The following CDH13 variants were observed in gnomAD, a reference collection of about 807,000 sequenced individuals.
The protein encoded by CDH13 is cadherin 13, also known as cadherin-13.
CDH13 carries 24 observed loss-of-function variants against 63.8 expected under a neutral mutation model. That is an observed-to-expected ratio of 0.38 (90% confidence interval 0.27 to 0.53). The LOEUF (loss-of-function observed/expected upper bound fraction) is 0.53, where lower values mean the gene tolerates loss of function less well. Ranked by LOEUF, CDH13 falls within the 20% of genes least tolerant of loss-of-function variation. The pLI is 0.85. For synonymous variants in CDH13, 503 were observed against 355.3 expected, an observed-to-expected ratio of 1.42 and a Z score of -4.67; for missense variants, 1,049 against 903.1, an observed-to-expected ratio of 1.16 and a Z score of -2.07.
chr16:82,927,414 G>A (rs1300058662), intron 2 of CDH13, among the ~76,000 whole-genome samples: 1 of 152,102 alleles, frequency 6.6e-6, no homozygotes, highest in Non-Finnish European at 1.5e-5. Flanking sequence ...GCTATTTTCA[G>A]CCCATGTTTT....
intron 6 of CDH13, among the ~76,000 whole-genome samples, chr16:83,378,040 A>C (rs966256082): frequency 2.0e-5 from 3 of 152,178 alleles, no homozygotes; most frequent in African/African-American, 7.2e-5. Context: ...GGCTGCTCTC[A>C]GTACCCTTTG....
At chr16:82,950,708 A>G (rs973267063) in intron 2 of CDH13, among the ~76,000 whole-genome samples, 2 of 152,044 alleles carry the variant, frequency 1.3e-5, no homozygotes, top group African/African-American at 4.8e-5. Context: ...GATACCAGTG[A>G]TACTGGATTA....
intron 4 of CDH13, among the ~76,000 whole-genome samples, chr16:83,132,669 C>T (rs2036111538): frequency 6.6e-6 from 1 of 152,008 alleles, no homozygotes; most frequent in South Asian, 2.1e-4. Flanking sequence ...TCATCTGGAT[C>T]CATCTGCCTC....
intron 2 of CDH13, among the ~76,000 whole-genome samples, chr16:82,878,146 C>T (rs1025959408): frequency 3.9e-5 from 6 of 152,018 alleles, no homozygotes; most frequent in African/African-American, 1.4e-4. Context: ...ACGTCAAACC[C>T]CTCTCCCTCT....
At chr16:83,198,779 G>C (rs1597502050) in intron 4 of CDH13, among the ~76,000 whole-genome samples, 1 of 152,094 alleles carries the variant, frequency 6.6e-6, no homozygotes. Context: ...CCTTAGGAGA[G>C]GTACCCAACC....
chr16:83,686,201 C>G (rs961392130), intron 10 of CDH13, among the ~76,000 whole-genome samples: 14 of 152,186 alleles, frequency 9.2e-5, no homozygotes, highest in African/African-American at 3.4e-4. Flanking sequence ...TGGCTTAAGG[C>G]TTTTTGAACA....
Position 82,921,868 on chromosome 16 carries a change from A to G in CDH13, c.157+63395A>G, listed in dbSNP as rs979435825. On this transcript the variant is annotated intron_variant, in intron 2 of 13. Coordinates refer to ENST00000567109, the MANE Select transcript of CDH13 (RefSeq NM_001257.5). ...CTTGATAAAACTTACCTGTAAATCTATCTGGGTCTGAGCTTTTCTTTGCAG... is the reference window on the plus strand; with the variant it reads ...CTTGATAAAACTTACCTGTAAATCTGTCTGGGTCTGAGCTTTTCTTTGCAG... 3.9e-5 allele frequency among the ~76,000 whole-genome samples: 6 copies of G among 152,222 alleles called. No individual in the cohort carries two copies. In the East Asian group the frequency reaches 5.8e-4, roughly 15 times the overall value.
intron 1 of CDH13, among the ~76,000 whole-genome samples, chr16:82,771,519 C>A (rs142926668): frequency 6.6e-6 from 1 of 152,164 alleles, no homozygotes; most frequent in Non-Finnish European, 1.5e-5. Context: ...GTGCACTCAA[C>A]GACTCTTCCT....
At chr16:82,817,500 C>T (rs2037778462) in intron 1 of CDH13, among the ~76,000 whole-genome samples, 1 of 152,130 alleles carries the variant, frequency 6.6e-6, no homozygotes, top group Admixed American at 6.5e-5. Flanking sequence ...TAAATGCACA[C>T]ACATATATAC....
At chr16:83,681,133 GA>G (rs1318022331) in intron 10 of CDH13, among the ~76,000 whole-genome samples, 1 of 151,960 alleles carries the variant, frequency 6.6e-6, no homozygotes, top group African/African-American at 2.4e-5. Flanking sequence ...CCTGGTGCCT[GA>G]GCCTGCCACA....
At chr16:82,846,265 A>G (rs1427491335) in intron 1 of CDH13, among the ~76,000 whole-genome samples, 1 of 152,176 alleles carries the variant, frequency 6.6e-6, no homozygotes, top group African/African-American at 2.4e-5. Flanking sequence ...ATTTTCATCC[A>G]AAGAGCATGT....
intron 6 of CDH13, among the ~76,000 whole-genome samples, chr16:83,372,299 A>G (rs1441540328): frequency 6.6e-6 from 1 of 152,220 alleles, no homozygotes; most frequent in African/African-American, 2.4e-5. Flanking sequence ...GTCTGATTTC[A>G]AAGTTGTCTC....
At chr16:83,624,054 G>T (rs1388827296) in intron 8 of CDH13, among the ~76,000 whole-genome samples, 9 of 152,158 alleles carry the variant, frequency 5.9e-5, no homozygotes, top group Non-Finnish European at 1.0e-4. Flanking sequence ...TTCAGGTGCA[G>T]CTGCGTCTAA....
At position 83,197,501 on chromosome 16, in the gene CDH13, C is replaced by A. The variant is rs146614754; in HGVS notation, c.484-19844C>A. Among the ~76,000 whole-genome samples the A allele has an allele frequency of 4.6e-3, 694 of 152,230 alleles. 5 individuals are homozygous for A. The highest frequency in any genetic ancestry group is 6.9e-3 in the Admixed American group (105 of 15,278). ...AAATACTGGGTTTTATTCATTCTTT[C>A]TAATTTTTTGTATCCATTAAACACC... On this transcript the variant is annotated intron_variant, in intron 4 of 13. Coordinates refer to ENST00000567109, the MANE Select transcript of CDH13 (RefSeq NM_001257.5).
At chr16:83,733,487 G>GT (rs944458943) in intron 10 of CDH13, among the ~76,000 whole-genome samples, 7 of 152,170 alleles carry the variant, frequency 4.6e-5, no homozygotes, top group African/African-American at 1.7e-4. Context: ...CTGCCTCTAA[G>GT]TACCTCCTTG....
chr16:82,795,264 G>C (rs1177388375), intron 1 of CDH13, among the ~76,000 whole-genome samples: 1 of 152,140 alleles, frequency 6.6e-6, no homozygotes, highest in African/African-American at 2.4e-5. Flanking sequence ...GTTGTCCCAG[G>C]GGACTGGAAA....
intron 5 of CDH13, among the ~76,000 whole-genome samples, chr16:83,311,998 G>A (rs1286377896): frequency 4.6e-5 from 7 of 151,360 alleles, no homozygotes; most frequent in Admixed American, 2.0e-4. Flanking sequence ...ACTTGAACCC[G>A]GGAGGCGGAA....
At chr16:83,665,955 A>G (rs749551933) in intron 8 of CDH13, among the ~76,000 whole-genome samples, 1 of 152,246 alleles carries the variant, frequency 6.6e-6, no homozygotes, top group Non-Finnish European at 1.5e-5. Context: ...TGTAAGTCAA[A>G]GAAAAGAAAA....
chr16:83,548,232 G>A (rs1340019596), intron 7 of CDH13, among the ~76,000 whole-genome samples: 2 of 152,158 alleles, frequency 1.3e-5, no homozygotes, highest in Non-Finnish European at 2.9e-5. Context: ...ACAGGCCTTG[G>A]TGATGGCTTA....
Sources: gnomAD v4.1 joint callset for allele counts (sites outside exome capture counted in the v4.1 genomes callset) on GRCh38, gnomAD v4.1.1 for gene constraint, MANE v1.5 for transcripts, NCBI Gene and HGNC (gene_info 2026-07-23, HGNC 2026-07-21) for gene names.